The following B3GALT1 variants were observed in gnomAD, a reference collection of about 807,000 sequenced individuals.
B3GALT1 encodes the protein UDP-Gal:betaGlcNAc beta 1,3-galactosyltransferase, polypeptide 1.
A neutral mutation model predicts 23.2 loss-of-function variants in B3GALT1; 10 were observed. The ratio of observed to expected loss-of-function variants is 0.43; its 90% CI spans 0.27 to 0.73. B3GALT1 has a LOEUF of 0.73. Ranked by LOEUF, B3GALT1 falls within the 30% of genes least tolerant of loss-of-function variation. B3GALT1 has a pLI of 0.21. For synonymous variants in B3GALT1, 156 were observed against 141.5 expected, an observed-to-expected ratio of 1.10 and a Z score of -0.73; for missense variants, 299 against 405.4, an observed-to-expected ratio of 0.74 and a Z score of 2.25.
chr2:167,836,765 G>A (rs1442964457), intron 4 of B3GALT1, among the ~76,000 whole-genome samples: 1 of 152,144 alleles, frequency 6.6e-6, no homozygotes, highest in Admixed American at 6.5e-5. Flanking sequence ...AAATTTTAAG[G>A]CAGCCAGAGA....
At chr2:167,355,044 G>T (rs1255588923) in intron 1 of B3GALT1, among the ~76,000 whole-genome samples, 1 of 152,154 alleles carries the variant, frequency 6.6e-6, no homozygotes. Flanking sequence ...AGGATCAGGT[G>T]TTGTCTCCTC....
At chr2:167,363,532 C>G (rs1697532320) in intron 1 of B3GALT1, among the ~76,000 whole-genome samples, 1 of 152,044 alleles carries the variant, frequency 6.6e-6, no homozygotes, top group South Asian at 2.1e-4. Context: ...ACATTCCTAC[C>G]TCATTTTCTA....
chr2:167,854,961 G>A (rs1574303225), intron 4 of B3GALT1, among the ~76,000 whole-genome samples: 1 of 152,158 alleles, frequency 6.6e-6, no homozygotes. Context: ...TACCTTAAGA[G>A]CAACTGTTGC....
intron 3 of B3GALT1, among the ~76,000 whole-genome samples, chr2:167,664,910 A>AG: frequency 6.7e-6 from 1 of 149,976 alleles, no homozygotes; most frequent in Non-Finnish European, 1.5e-5. Context: ...GTCTGCAAAC[A>AG]GGGACAATTT....
intron 3 of B3GALT1, among the ~76,000 whole-genome samples, chr2:167,670,769 A>T (rs538352301): frequency 3.3e-5 from 5 of 152,316 alleles, no homozygotes; most frequent in African/African-American, 1.2e-4. Context: ...TAAAAAATAC[A>T]ATAGAGAGCT....
intron 3 of B3GALT1, among the ~76,000 whole-genome samples, chr2:167,732,245 A>T (rs1352967834): frequency 6.6e-6 from 1 of 152,214 alleles, no homozygotes; most frequent in Non-Finnish European, 1.5e-5. Context: ...TAAAATTGTA[A>T]ATTGGACATG....
intron 3 of B3GALT1, among the ~76,000 whole-genome samples, chr2:167,655,266 A>G (rs980856581): frequency 3.9e-5 from 6 of 152,328 alleles, no homozygotes; most frequent in South Asian, 2.1e-4. Flanking sequence ...TAAATAACAT[A>G]CAACTCTAGG....
At chr2:167,368,102 A>G (rs767604593) in intron 1 of B3GALT1, among the ~76,000 whole-genome samples, 1 of 152,206 alleles carries the variant, frequency 6.6e-6, no homozygotes, top group Non-Finnish European at 1.5e-5. Flanking sequence ...AGAATGAGAA[A>G]GCATGACACC....
chr2:167,633,490 G>GA lies in B3GALT1; in HGVS notation c.-409-13409dup, dbSNP rs879294826. ...GGAATATTTACCAAGCAAATGGAAAGAAAAAAAAAATAGCAACAACAAAAA... is the reference window on the plus strand; with the variant it reads ...GGAATATTTACCAAGCAAATGGAAAGAAAAAAAAAAATAGCAACAACAAAAA... On this transcript the variant is annotated intron_variant, in intron 2 of 4. Coordinates refer to ENST00000392690, the MANE Select transcript of B3GALT1 (RefSeq NM_020981.4). Among the ~76,000 whole-genome samples, 369 of 142,590 alleles carry GA rather than the reference G, an allele frequency of 2.6e-3. 1 individual carries two copies. Among genetic ancestry groups the GA allele is most frequent in the Non-Finnish European group, 4.0e-3 (257 of 64,670 alleles). 93.5% of individuals were successfully genotyped at this position (142,590 alleles called of 152,430 possible).
chr2:167,548,809 G>A (rs1683696028), intron 2 of B3GALT1, among the ~76,000 whole-genome samples: 1 of 151,952 alleles, frequency 6.6e-6, no homozygotes, highest in South Asian at 2.1e-4. Context: ...AGACAAATCT[G>A]TCCAATTAAA....
intron 1 of B3GALT1, among the ~76,000 whole-genome samples, chr2:167,454,216 C>T (rs539000693): frequency 5.4e-4 from 79 of 146,806 alleles, no homozygotes; most frequent in South Asian, 4.6e-3. Context: ...TGTGTGCGCA[C>T]GCGCGCGTGC....
chr2:167,438,042 T>A (rs937213286), intron 1 of B3GALT1, among the ~76,000 whole-genome samples: 1 of 152,242 alleles, frequency 6.6e-6, no homozygotes, highest in Admixed American at 6.5e-5. Context: ...ATTTCTATCA[T>A]GTTCTAAAGT....
intron 1 of B3GALT1, among the ~76,000 whole-genome samples, chr2:167,440,599 A>AT (rs952449244): frequency 8.6e-5 from 13 of 151,256 alleles, no homozygotes; most frequent in Non-Finnish European, 4.4e-5. Context: ...TGGCCCTGTG[A>AT]TTTTTTCTTT....
intron 1 of B3GALT1, among the ~76,000 whole-genome samples, chr2:167,316,635 A>C (rs1025383469): frequency 6.6e-6 from 1 of 152,080 alleles, no homozygotes; most frequent in African/African-American, 2.4e-5. Context: ...TTGGAAGTAA[A>C]TATCCAGCTC....
At chr2:167,446,719 A>T (rs890222926) in intron 1 of B3GALT1, among the ~76,000 whole-genome samples, 5 of 152,132 alleles carry the variant, frequency 3.3e-5, no homozygotes, top group African/African-American at 1.2e-4. Context: ...CCATCAGGTC[A>T]TTTAAGGACT....
intron 2 of B3GALT1, among the ~76,000 whole-genome samples, chr2:167,564,510 G>T (rs1336357352): frequency 6.6e-6 from 1 of 152,178 alleles, no homozygotes; most frequent in Admixed American, 6.5e-5. Flanking sequence ...GCCAAGGCAG[G>T]ACGCCGGGAG....
chr2:167,801,102 G>T (rs1299907170), intron 3 of B3GALT1, among the ~76,000 whole-genome samples: 1 of 152,198 alleles, frequency 6.6e-6, no homozygotes, highest in East Asian at 1.9e-4. Flanking sequence ...GACAAAACAG[G>T]CTCTTGGCTA....
intron 4 of B3GALT1, among the ~76,000 whole-genome samples, chr2:167,844,206 A>C (rs1353469179): frequency 6.6e-6 from 1 of 152,198 alleles, no homozygotes; most frequent in East Asian, 1.9e-4. Context: ...CATATTAATA[A>C]ATGAAAATAT....
intron 3 of B3GALT1, among the ~76,000 whole-genome samples, chr2:167,665,058 C>T (rs935028092): frequency 6.6e-6 from 1 of 151,966 alleles, no homozygotes; most frequent in Non-Finnish European, 1.5e-5. Flanking sequence ...AAAGGGAATG[C>T]TTCCAGTTTT....
Sources: allele counts gnomAD v4.1 joint callset (sites outside exome capture counted in the v4.1 genomes callset), GRCh38; gene constraint gnomAD v4.1.1; transcripts MANE v1.5; gene names NCBI Gene and HGNC (gene_info 2026-07-23, HGNC 2026-07-21).